The following ATP7A variants were observed in gnomAD, a reference collection of about 807,000 sequenced individuals.
ATP7A encodes copper-transporting ATPase 1.
ATP7A carries 7 observed loss-of-function variants against 83.5 expected under a neutral mutation model. That is an observed-to-expected ratio of 0.08 (90% CI 0.05 to 0.16). The LOEUF (loss-of-function observed/expected upper bound fraction) is 0.16, where lower values mean the gene tolerates loss of function less well. Ranked by LOEUF, ATP7A falls within the 10% of genes least tolerant of loss-of-function variation. ATP7A has a pLI of 1.00. For synonymous variants in ATP7A, 354 were observed against 395.2 expected (o/e 0.90, Z 1.24); for missense variants, 940 against 1,120.8 (o/e 0.84, Z 2.30).
At chrX:77,936,670 A>T (rs916856939) in intron 1 of ATP7A, among the ~76,000 whole-genome samples, 1 of 112,709 alleles carries the variant, frequency 8.9e-6, no homozygotes, top group African/African-American at 3.2e-5. Flanking sequence ...AAGAAATGTG[A>T]TTAGAAATCT....
chrX:78,038,955 C>G lies in ATP7A; in HGVS notation c.3631C>G (p.Arg1211Gly). 1 of 1,210,835 alleles carries G rather than the reference C, an allele frequency of 8.3e-7. No individual in the cohort carries two copies. Among genetic ancestry groups the G allele is most frequent in the Non-Finnish European group, 1.1e-6 (1 of 894,899 alleles). Residue 1211 changes from arginine to glycine, a missense_variant, in exon 18 of 23, where the codon CGG becomes GGG. By Grantham distance (125) the Arg-to-Gly change is moderately radical. This residue lies in a region of ATP7A where 386 missense variants were observed against 502.2 expected (regional missense o/e 0.77). Transcript: ENST00000341514. Reference protein sequence around the residue: ...DFMTEHERKGRTAVLVAVDDE... With the variant: ...DFMTEHERKGGTAVLVAVDDE... Reference sequence around the variant, plus strand: ...CATGACTGAACATGAGAGAAAAGGTCGGACTGCTGTATTAGTAGCAGTTGA... The same window carrying G: ...CATGACTGAACATGAGAGAAAAGGTGGGACTGCTGTATTAGTAGCAGTTGA...
chrX:77,979,285 A>T (rs2077592730), intron 2 of ATP7A, among the ~76,000 whole-genome samples: 1 of 111,733 alleles, frequency 8.9e-6, no homozygotes, highest in African/African-American at 3.3e-5. Context: ...TCTAGACATC[A>T]TATAGAAAGC....
At chrX:78,043,541 T>C (rs1557238711) in intron 21 of ATP7A, 107 bp downstream of exon 21, 2 of 617,493 alleles carry the variant, frequency 3.2e-6, no homozygotes. Flanking sequence ...TTTTTGTTTG[T>C]AGCCTACTGG....
chrX:77,932,823 C>T (rs782299190), intron 1 of ATP7A, among the ~76,000 whole-genome samples: 2 of 111,810 alleles, frequency 1.8e-5, no homozygotes, highest in East Asian at 5.6e-4. Context: ...GAGAATCAGG[C>T]AGGGAGGTTG....
At chrX:78,003,798 C>G (rs1246631388) in intron 6 of ATP7A, among the ~76,000 whole-genome samples, 1 of 110,488 alleles carries the variant, frequency 9.1e-6, no homozygotes, top group East Asian at 2.8e-4. Context: ...AAAAATTAGC[C>G]AGGTGTGATG....
chrX:77,932,576 C>T (rs1383531607), intron 1 of ATP7A, among the ~76,000 whole-genome samples: 1 of 111,852 alleles, frequency 8.9e-6, no homozygotes, highest in African/African-American at 3.2e-5. Context: ...GAGGTTGTAG[C>T]GAGCCGCGAT....
intron 4 of ATP7A, among the ~76,000 whole-genome samples, chrX:77,994,493 T>C (rs1239280661): frequency 1.8e-5 from 2 of 111,497 alleles, no homozygotes; most frequent in Non-Finnish European, 3.8e-5. Flanking sequence ...TCTGGCACCA[T>C]GTATAGCATC....
chrX:78,021,128 T>A (rs1271828403), intron 14 of ATP7A, 49 bp downstream of exon 14: 3 of 1,117,653 alleles, frequency 2.7e-6, no homozygotes, highest in Non-Finnish European at 3.7e-6. Context: ...AATTTGTGAG[T>A]CTTTTGCATT....
At chrX:78,037,200 A>G (rs981742330) in intron 17 of ATP7A, among the ~76,000 whole-genome samples, 2 of 112,188 alleles carry the variant, frequency 1.8e-5, no homozygotes, top group African/African-American at 6.5e-5. Context: ...AGTTGGCTAC[A>G]TAAGTTTGGA....
chrX:77,930,859 C>A (rs1443347484), intron 1 of ATP7A, among the ~76,000 whole-genome samples: 9 of 110,627 alleles, frequency 8.1e-5, no homozygotes, highest in Non-Finnish European at 1.7e-4. Flanking sequence ...GATCATGCCC[C>A]AATGGTGACC....
chrX:77,916,972 G>A (rs1557222603), intron 1 of ATP7A, among the ~76,000 whole-genome samples: 1 of 111,477 alleles, frequency 9.0e-6, no homozygotes, highest in Admixed American at 9.6e-5. Context: ...TTTCATGAAG[G>A]AGGTGGGACT....
At position 78,012,864 on chromosome X, in the gene ATP7A, A is replaced by T. The variant is rs781897029; in HGVS notation, c.2173-15A>T. The T allele has an allele frequency of 2.6e-6, 3 of 1,165,696 alleles. No individual in the cohort carries two copies. The highest frequency in any genetic ancestry group is 3.5e-6 in the Non-Finnish European group (3 of 853,783). On this transcript the variant is annotated splice_polypyrimidine_tract_variant and intron_variant, in intron 9 of 22. Transcript: ENST00000341514. ...CATTTTTTAAAATTCAATGATTATC[A>T]TTCCTATATTGCAGTTTTTCGGAGG... is the stretch of plus-strand genomic sequence containing the variant.
chrX:77,960,246 G>A (rs781976035), intron 1 of ATP7A, among the ~76,000 whole-genome samples: 4 of 111,921 alleles, frequency 3.6e-5, no homozygotes, highest in Admixed American at 9.5e-5. Context: ...CTGGGGCCTG[G>A]TGGCATGTGC....
chrX:78,038,484 A>G (rs1288070449), intron 17 of ATP7A, among the ~76,000 whole-genome samples: 3 of 111,966 alleles, frequency 2.7e-5, no homozygotes, highest in African/African-American at 9.7e-5. Context: ...ACATTCAGCT[A>G]CTGATGCACA....
In ATP7A at chrX:77,912,782, T is replaced by C. The variant is rs528567494; in HGVS notation, c.-22+1947T>C. On this transcript the variant is annotated intron_variant, in intron 1 of 22. Transcript: ENST00000341514. The stretch of plus-strand genomic sequence containing the variant: ...TGTTCCAGGTTTTCCCCAAGGAATC[T>C]CTGCTTTTCCTTTTTTCCTCTAAAT... Among the ~76,000 whole-genome samples the C allele has an allele frequency of 8.9e-5, 10 of 112,308 alleles. 1 individual carries two copies. The South Asian group carries it at 3.6e-3, about 41-fold the overall frequency.
rs1413653686 is a variant in ATP7A, at chrX:77,915,581, A to G, written c.-22+4746A>G. Among the ~76,000 whole-genome samples, 6 of 111,801 alleles carry G rather than the reference A, an allele frequency of 5.4e-5. No homozygotes were observed. In the East Asian group the frequency reaches 1.1e-3, roughly 21 times the overall value. On this transcript the variant is annotated intron_variant, in intron 1 of 22. Transcript: ENST00000341514. The stretch of plus-strand genomic sequence containing the variant: ...AAATGTAGTTACCTTTAATATTTTA[A>G]TATATTATTTACTGTAAAAGTAATT...
intron 6 of ATP7A, 139 bp downstream of exon 6, chrX:78,003,375 A>G: frequency 3.3e-6 from 2 of 599,051 alleles, no homozygotes; most frequent in Non-Finnish European, 2.7e-6. Context: ...AGGATAAGGT[A>G]TGATCTAATG....
At chrX:77,946,037 C>T (rs1347232845) in intron 1 of ATP7A, among the ~76,000 whole-genome samples, 1 of 111,397 alleles carries the variant, frequency 9.0e-6, no homozygotes, top group Non-Finnish European at 1.9e-5. Context: ...CTGTGACTCA[C>T]ACCTGTAATC....
intron 6 of ATP7A, among the ~76,000 whole-genome samples, chrX:78,008,759 A>G (rs2077795188): frequency 9.0e-6 from 1 of 110,820 alleles, no homozygotes; most frequent in South Asian, 3.8e-4. Flanking sequence ...TCCTTTTAGT[A>G]AAAAGTGGTA....
Sources: allele counts gnomAD v4.1 joint callset (sites outside exome capture counted in the v4.1 genomes callset), GRCh38; gene constraint gnomAD v4.1.1; regional missense constraint gnomAD v4.1.1; transcripts MANE v1.5; gene names NCBI Gene and HGNC (gene_info 2026-07-23, HGNC 2026-07-21).